PLPPR4: variants seen among roughly 807,000 people sequenced by gnomAD.
The protein encoded by PLPPR4 is phospholipid phosphatase related 4.
In PLPPR4, 24 loss-of-function variants were observed where a neutral mutation model predicts 56.6. That is an observed-to-expected ratio of 0.42 (90% confidence interval 0.31 to 0.60). PLPPR4 has a LOEUF of 0.60. PLPPR4 is among the 20% of genes least tolerant of loss of function. PLPPR4 has a pLI of 0.13. For synonymous variants in PLPPR4, 326 were observed against 328.1 expected, an observed-to-expected ratio of 0.99 and a Z score of 0.07; for missense variants, 654 against 885.8, an observed-to-expected ratio of 0.74 and a Z score of 3.32.
intron 1 of PLPPR4, among the ~76,000 whole-genome samples, chr1:99,284,566 C>T (rs1220261564): frequency 6.6e-6 from 1 of 151,624 alleles, no homozygotes; most frequent in Non-Finnish European, 1.5e-5. Context: ...CAGGTGTGAG[C>T]CACTGCGCCC....
rs1286765760 is a variant in PLPPR4, at chr1:99,299,080, T to C, written c.440T>C (p.Ile147Thr). Residue 147 changes from isoleucine (I) to threonine (T), a missense_variant, in exon 4 of 7, where the codon ATC (isoleucine) becomes ACC (threonine). Around this residue, in one of 2 missense-constraint regions of PLPPR4, gnomAD observed 186 missense variants for 331.4 expected, o/e 0.56. Transcript: ENST00000370185. ...TGCTCTACAGCTCTCATTACAGATATCATACAGCTGTCCACAGGATATCAA... is the reference window on the plus strand; with the variant it reads ...TGCTCTACAGCTCTCATTACAGATACCATACAGCTGTCCACAGGATATCAA... ...GLCSTALITD[I>T]IQLSTGYQAP... The C allele has an allele frequency of 4.3e-6, 7 of 1,613,522 alleles. No homozygotes were observed. Among genetic ancestry groups the C allele is most frequent in the African/African-American group, 1.3e-5 (1 of 74,910 alleles).
At chr1:99,295,975 C>G (rs1037124371) in intron 2 of PLPPR4, among the ~76,000 whole-genome samples, 2 of 152,178 alleles carry the variant, frequency 1.3e-5, no homozygotes, top group African/African-American at 2.4e-5. Flanking sequence ...TCAAAGAAAA[C>G]TTACTGAGGG....
At chr1:99,294,875 A>C (rs1186696246) in intron 2 of PLPPR4, among the ~76,000 whole-genome samples, 1 of 152,162 alleles carries the variant, frequency 6.6e-6, no homozygotes, top group Non-Finnish European at 1.5e-5. Flanking sequence ...AAAATTATTC[A>C]CAGAATTTTT....
chr1:99,273,813 T>A (rs1226264266), intron 1 of PLPPR4, among the ~76,000 whole-genome samples: 1 of 152,132 alleles, frequency 6.6e-6, no homozygotes, highest in African/African-American at 2.4e-5. Context: ...TGAACATAAA[T>A]TTTTCTTTAA....
At position 99,296,713 on chromosome 1, in the gene PLPPR4, C is replaced by T. The variant is rs770661760; in HGVS notation, c.265-25C>T. On this transcript the variant is annotated intron_variant, in intron 2 of 6. Transcript: ENST00000370185. ...TAATAGGTATTCCAACATGCCTCTTCCTGAATACCCTTCTATCTTTGCAGA... is the reference window on the plus strand; with the variant it reads ...TAATAGGTATTCCAACATGCCTCTTTCTGAATACCCTTCTATCTTTGCAGA... 10 of 1,555,644 alleles carry T rather than the reference C, an allele frequency of 6.4e-6. No individual in the cohort carries two copies. In the Admixed American group the frequency reaches 1.8e-4, roughly 28 times the overall value.
intron 1 of PLPPR4, among the ~76,000 whole-genome samples, chr1:99,273,510 A>G (rs1035036432): frequency 5.3e-5 from 8 of 152,126 alleles, no homozygotes; most frequent in African/African-American, 1.9e-4. Flanking sequence ...ACTGCCATTT[A>G]ATGAAATCCT....
chr1:99,281,825 G>A (rs868843980), intron 1 of PLPPR4, among the ~76,000 whole-genome samples: 8 of 152,078 alleles, frequency 5.3e-5, no homozygotes, highest in African/African-American at 1.9e-4. Flanking sequence ...TTGGTTCCAA[G>A]CCTCTCATTT....
chr1:99,263,335 T>C (rs1378960044), upstream of PLPPR4, among the ~76,000 whole-genome samples: 1 of 152,158 alleles, frequency 6.6e-6, no homozygotes, highest in Non-Finnish European at 1.5e-5. Context: ...TGCTAGACTT[T>C]GGAACCCAAG....
At position 99,301,876 on chromosome 1, in the gene PLPPR4, A is replaced by G. The variant is rs1419308185; in HGVS notation, c.801A>G (p.Gly267=). ...PVDVYCGFLI[G]GGIALYLGLY... is the part of the protein sequence containing the mutation. ...ATGTCTATTGTGGCTTTTTAATAGGAGGAGGAATTGCACTGTACTTGGTAA... is the reference window on the plus strand; with the variant it reads ...ATGTCTATTGTGGCTTTTTAATAGGGGGAGGAATTGCACTGTACTTGGTAA... Residue 267 remains glycine, a synonymous_variant, in exon 6 of 7, where the codon GGA becomes GGG. Coordinates refer to ENST00000370185, the MANE Select transcript of PLPPR4 (RefSeq NM_014839.5). 1.2e-6 allele frequency: 2 copies of G among 1,611,128 alleles called. No individual in the cohort carries two copies. The highest frequency in any genetic ancestry group is 2.2e-5 in the South Asian group (2 of 90,734).
At chr1:99,282,516 G>C (rs1188592888) in intron 1 of PLPPR4, among the ~76,000 whole-genome samples, 1 of 152,082 alleles carries the variant, frequency 6.6e-6, no homozygotes, top group Non-Finnish European at 1.5e-5. Flanking sequence ...GTTGAGTTTT[G>C]AACAGCCTTC....
chr1:99,269,871 A>C (rs1426655570), intron 1 of PLPPR4, among the ~76,000 whole-genome samples: 1 of 152,206 alleles, frequency 6.6e-6, no homozygotes, highest in East Asian at 1.9e-4. Flanking sequence ...GGTATGTACA[A>C]ATACACATGG....
chr1:99,289,156 A>G (rs556062369), intron 2 of PLPPR4, among the ~76,000 whole-genome samples: 2 of 152,280 alleles, frequency 1.3e-5, no homozygotes, highest in South Asian at 4.1e-4. Context: ...TTCTACAGTG[A>G]AAAACTCTTG....
intron 6 of PLPPR4, 44 bp from the exon 7 acceptor site, chr1:99,305,641 T>A: frequency 6.4e-7 from 1 of 1,568,938 alleles, no homozygotes; most frequent in Non-Finnish European, 8.6e-7. Flanking sequence ...CCCTAGTGAC[T>A]GTCTTCTAGT....
intron 6 of PLPPR4, among the ~76,000 whole-genome samples, chr1:99,304,503 A>G (rs1659967443): frequency 6.6e-6 from 1 of 152,212 alleles, no homozygotes; most frequent in South Asian, 2.1e-4. Context: ...ATCTTCCCCA[A>G]CTTACAAATT....
chr1:99,265,713 G>C (rs1466426378), intron 1 of PLPPR4, among the ~76,000 whole-genome samples: 1 of 152,136 alleles, frequency 6.6e-6, no homozygotes, highest in Non-Finnish European at 1.5e-5. Flanking sequence ...CAAATATGGA[G>C]GTTTAGCCCT....
intron 1 of PLPPR4, among the ~76,000 whole-genome samples, chr1:99,272,052 T>C (rs182752749): frequency 3.6e-4 from 55 of 152,260 alleles, no homozygotes; most frequent in Non-Finnish European, 5.9e-5. Flanking sequence ...TTGCTGTTTA[T>C]GTTGGAAATG....
At chr1:99,284,860 A>T (rs1320111874) in intron 1 of PLPPR4, among the ~76,000 whole-genome samples, 1 of 152,178 alleles carries the variant, frequency 6.6e-6, no homozygotes, top group African/African-American at 2.4e-5. Flanking sequence ...GCAACATAGA[A>T]ATCAGTACGA....
chr1:99,283,768 G>GGTGAAACCGCGTCTCTACTAAAAA (rs1659392744), intron 1 of PLPPR4, among the ~76,000 whole-genome samples: 1 of 151,574 alleles, frequency 6.6e-6, no homozygotes, highest in Non-Finnish European at 1.5e-5. Flanking sequence ...TGGCTAACAC[G>GGTGAAACCGCGTCTCTACTAAAAA]GTGAAACCGC....
chr1:99,266,426 C>T (rs1372285405), intron 1 of PLPPR4, among the ~76,000 whole-genome samples: 4 of 152,188 alleles, frequency 2.6e-5, no homozygotes, highest in South Asian at 2.1e-4. Context: ...ACAGAATGTA[C>T]GTGGGCGCTT....
Sources: gnomAD v4.1 joint callset for allele counts (sites outside exome capture counted in the v4.1 genomes callset) on GRCh38, gnomAD v4.1.1 for gene constraint, gnomAD v4.1.1 regional missense constraint, MANE v1.5 for transcripts, NCBI Gene and HGNC (gene_info 2026-07-23, HGNC 2026-07-21) for gene names.